The following PHTF2 variants were observed in gnomAD, a reference collection of about 807,000 sequenced individuals.
PHTF2 encodes the protein protein PHTF2.
PHTF2 carries 60 observed loss-of-function variants against 101.2 expected under a neutral mutation model. The ratio of observed to expected loss-of-function variants is 0.59; its 90% CI spans 0.48 to 0.73. The LOEUF (loss-of-function observed/expected upper bound fraction) is 0.73, where lower values mean the gene tolerates loss of function less well. Ranked by LOEUF, PHTF2 falls within the 30% of genes least tolerant of loss-of-function variation. PHTF2 has a pLI of 0.00. For synonymous variants in PHTF2, 311 were observed against 307.3 expected (o/e 1.01, Z -0.13); for missense variants, 747 against 908.7 (o/e 0.82, Z 2.29).
intron 1 of PHTF2, among the ~76,000 whole-genome samples, chr7:77,819,672 G>A (rs913330511): frequency 2.6e-5 from 4 of 152,146 alleles, no homozygotes; most frequent in African/African-American, 4.8e-5. Context: ...TATGTGCATC[G>A]AATATATTAG....
intron 1 of PHTF2, among the ~76,000 whole-genome samples, chr7:77,827,511 G>A (rs1794773099): frequency 6.6e-6 from 1 of 151,894 alleles, no homozygotes; most frequent in African/African-American, 2.4e-5. Context: ...CTGCCACCAC[G>A]CCCGGCTAGT....
chr7:77,881,502 G>A (rs1424238983), intron 3 of PHTF2, among the ~76,000 whole-genome samples: 1 of 147,750 alleles, frequency 6.8e-6, no homozygotes, highest in East Asian at 2.0e-4. Flanking sequence ...CTGTCTTATG[G>A]CTCCAATGGC....
intron 3 of PHTF2, chr7:77,854,923 A>T (rs1797056412): frequency 1.5e-6 from 1 of 645,456 alleles, no homozygotes; most frequent in Non-Finnish European, 2.8e-6. Flanking sequence ...CCAGGACCCA[A>T]GGCCTGGAAT....
intron 12 of PHTF2, among the ~76,000 whole-genome samples, chr7:77,935,634 T>C (rs181918606): frequency 7.2e-5 from 11 of 152,348 alleles, no homozygotes; most frequent in Admixed American, 7.2e-4. Context: ...ATTGGCAAGG[T>C]AGCTAGATGT....
At chr7:77,894,050 TA>T in intron 5 of PHTF2, 57 bp downstream of exon 4, 1 of 1,300,448 alleles carries the variant, frequency 7.7e-7, no homozygotes, top group Non-Finnish European at 1.1e-6. Context: ...CTGGTCTGCT[TA>T]ATTGAGATCT....
At chr7:77,820,918 A>G (rs1187804673) in intron 1 of PHTF2, among the ~76,000 whole-genome samples, 1 of 151,256 alleles carries the variant, frequency 6.6e-6, no homozygotes, top group Non-Finnish European at 1.5e-5. Context: ...TTCTTTATCA[A>G]CTCTACTGGT....
intron 3 of PHTF2, among the ~76,000 whole-genome samples, chr7:77,886,621 A>G (rs1799872582): frequency 1.3e-5 from 2 of 152,202 alleles, no homozygotes; most frequent in South Asian, 4.1e-4. Flanking sequence ...TAGTAACTTT[A>G]CTAGTTACTA....
At chr7:77,818,518 C>T (rs1794030293) in intron 1 of PHTF2, among the ~76,000 whole-genome samples, 2 of 152,142 alleles carry the variant, frequency 1.3e-5, no homozygotes, top group Admixed American at 6.5e-5. Context: ...CTATCCTTTC[C>T]TCAATGAGTG....
At chr7:77,931,847 C>T (rs912597677) in intron 12 of PHTF2, among the ~76,000 whole-genome samples, 3 of 152,134 alleles carry the variant, frequency 2.0e-5, no homozygotes, top group Non-Finnish European at 2.9e-5. Context: ...TGAATGAACT[C>T]GGCTGCATGT....
At chr7:77,940,394 A>G (rs1805542343) in intron 14 of PHTF2, 92 bp downstream of exon 13, 16 of 1,293,994 alleles carry the variant, frequency 1.2e-5, no homozygotes, top group Non-Finnish European at 1.7e-5. Context: ...TCATTATATC[A>G]TTTTTACCTA....
intron 3 of PHTF2, among the ~76,000 whole-genome samples, chr7:77,883,252 A>G (rs1239366336): frequency 6.6e-6 from 1 of 152,140 alleles, no homozygotes; most frequent in Admixed American, 6.5e-5. Flanking sequence ...AGTTTCCACT[A>G]TTTCTGGATG....
chr7:77,903,405 A>G (rs979566441), intron 7 of PHTF2, among the ~76,000 whole-genome samples: 12 of 152,246 alleles, frequency 7.9e-5, no homozygotes, highest in Admixed American at 2.6e-4. Flanking sequence ...ATAGTTTATT[A>G]GAGTAATTCA....
intron 3 of PHTF2, among the ~76,000 whole-genome samples, chr7:77,890,046 T>G (rs1800246231): frequency 7.3e-6 from 1 of 137,096 alleles, no homozygotes; most frequent in South Asian, 2.6e-4. Flanking sequence ...CCATGAGACA[T>G]TCTATTAACA....
chr7:77,893,766 A>G, intron 4 of PHTF2, 102 bp downstream of exon 3: 1 of 622,472 alleles, frequency 1.6e-6, no homozygotes, highest in Non-Finnish European at 2.8e-6. Flanking sequence ...GATATAAATT[A>G]CTATTCTATT....
In PHTF2 at chr7:77,815,726, A is replaced by G. The variant is rs372201936; in HGVS notation, c.-36+16755A>G. ...GAGAAAATGGATCTTTTATTTTAACAGCTTTCAACTAGTCTGCCTAAAGAT... is the reference window on the plus strand; with the variant it reads ...GAGAAAATGGATCTTTTATTTTAACGGCTTTCAACTAGTCTGCCTAAAGAT... On this transcript the variant is annotated intron_variant, in intron 1 of 19. Transcript: ENST00000416283. 7.2e-5 allele frequency among the ~76,000 whole-genome samples: 11 copies of G among 152,250 alleles called. No homozygotes were observed. In the East Asian group the frequency reaches 1.5e-3, roughly 21 times the overall value.
intron 19 of PHTF2, among the ~76,000 whole-genome samples, chr7:77,954,277 G>C (rs1306789384): frequency 6.6e-6 from 1 of 151,986 alleles, no homozygotes; most frequent in Admixed American, 6.6e-5. Context: ...GGGACTACAG[G>C]TGTGCACCAC....
intron 1 of PHTF2, among the ~76,000 whole-genome samples, chr7:77,820,200 T>C (rs1794171337): frequency 6.6e-6 from 1 of 152,176 alleles, no homozygotes; most frequent in African/African-American, 2.4e-5. Flanking sequence ...GGGAGACATT[T>C]TATTACTGAT....
At chr7:77,832,476 C>G (rs1486382149) in intron 1 of PHTF2, among the ~76,000 whole-genome samples, 1 of 152,186 alleles carries the variant, frequency 6.6e-6, no homozygotes, top group Non-Finnish European at 1.5e-5. Context: ...TGCTTAAGGT[C>G]ACAAATGATG....
chr7:77,800,926 C>G (rs776671811), intron 1 of PHTF2, among the ~76,000 whole-genome samples: 1 of 152,156 alleles, frequency 6.6e-6, no homozygotes, highest in African/African-American at 2.4e-5. Flanking sequence ...ATTCCAAAGC[C>G]TACATTCCAA....
Sources: gnomAD v4.1 joint callset for allele counts (sites outside exome capture counted in the v4.1 genomes callset) on GRCh38, gnomAD v4.1.1 for gene constraint, MANE v1.5 for transcripts, NCBI Gene and HGNC (gene_info 2026-07-23, HGNC 2026-07-21) for gene names.